Variants in TNNI3K observed in about 807,000 individuals in gnomAD.
TNNI3K encodes serine/threonine-protein kinase TNNI3K.
In TNNI3K, 140 loss-of-function variants were observed where a neutral mutation model predicts 114.5. The observed-to-expected ratio is 1.22, with a 90% confidence interval of 1.07 to 1.41. TNNI3K has a LOEUF of 1.41. Among genes scored for constraint, TNNI3K ranks in the 40% most tolerant of loss-of-function variants. The probability of loss-of-function intolerance (pLI) is 0.00; values close to 1 mark genes in which losing one functional copy is unlikely to be tolerated. For synonymous variants in TNNI3K, 347 were observed against 347.5 expected (o/e 1.00, Z 0.02); for missense variants, 1,125 against 1,007.6 (o/e 1.12, Z -1.58).
intron 20 of TNNI3K, among the ~76,000 whole-genome samples, chr1:74,446,834 A>G: frequency 6.7e-6 from 1 of 149,696 alleles, no homozygotes; most frequent in Non-Finnish European, 1.5e-5. Flanking sequence ...CAGATTTGTC[A>G]AAGATCAGAT....
At chr1:74,510,214 A>G (rs1670114688) in intron 23 of TNNI3K, among the ~76,000 whole-genome samples, 1 of 152,154 alleles carries the variant, frequency 6.6e-6, no homozygotes. Flanking sequence ...TCACCTTTTA[A>G]AAAGATCTGA....
intron 6 of TNNI3K, among the ~76,000 whole-genome samples, chr1:74,332,554 C>A (rs518641): frequency 0.062 from 9,498 of 152,146 alleles, 386 homozygotes; most frequent in South Asian, 0.12. Flanking sequence ...CCTGCCTCGG[C>A]CTCCTGAAGT....
At chr1:74,307,144 A>G (rs181690848) in intron 5 of TNNI3K, among the ~76,000 whole-genome samples, 41 of 152,270 alleles carry the variant, frequency 2.7e-4, no homozygotes, top group African/African-American at 9.9e-4. Flanking sequence ...ATTTTTGGAA[A>G]TGAAAACACA....
chr1:74,409,793 T>G (rs1218141802), intron 17 of TNNI3K, among the ~76,000 whole-genome samples: 1 of 152,092 alleles, frequency 6.6e-6, no homozygotes, highest in Non-Finnish European at 1.5e-5. Flanking sequence ...CACGCCCACC[T>G]TTTCTTTTAT....
chr1:74,459,441 G>A (rs985131986), intron 20 of TNNI3K, among the ~76,000 whole-genome samples: 1 of 152,136 alleles, frequency 6.6e-6, no homozygotes, highest in South Asian at 2.1e-4. Context: ...GTCAATCAAA[G>A]ATAAGAGCTA....
At chr1:74,310,512 A>G (rs896336479) in intron 5 of TNNI3K, among the ~76,000 whole-genome samples, 1 of 152,190 alleles carries the variant, frequency 6.6e-6, no homozygotes, top group East Asian at 1.9e-4. Flanking sequence ...ATAGCCAGAG[A>G]AGCCTAAGCA....
chr1:74,344,614 C>T (rs554066622), intron 9 of TNNI3K, among the ~76,000 whole-genome samples: 3 of 152,184 alleles, frequency 2.0e-5, no homozygotes, highest in South Asian at 2.1e-4. Context: ...ATTCTCTTTC[C>T]GTTTAGGTCA....
At position 74,418,777 on chromosome 1, in the gene TNNI3K, C is replaced by A. The variant is rs552409669; in HGVS notation, c.1773-17303C>A. On this transcript the variant is annotated intron_variant, in intron 17 of 24. Transcript: ENST00000326637. ...AAAAACACATAAAAATCATCATAAA[C>A]TCCCTTTTATTTAAGTCAGTTTCTT... Among the ~76,000 whole-genome samples, 9 of 151,954 alleles carry A rather than the reference C, an allele frequency of 5.9e-5. No homozygotes were observed. The South Asian group carries it at 1.9e-3, about 31-fold the overall frequency.
chr1:74,308,236 C>A (rs1457516220), intron 5 of TNNI3K, among the ~76,000 whole-genome samples: 1 of 152,040 alleles, frequency 6.6e-6, no homozygotes, highest in Admixed American at 6.6e-5. Flanking sequence ...CAGGGAACAT[C>A]CTCTAAGATT....
intron 22 of TNNI3K, 120 bp from the exon 23 acceptor site, chr1:74,491,977 G>C: frequency 7.4e-7 from 1 of 1,344,238 alleles, no homozygotes; most frequent in Non-Finnish European, 9.8e-7. Context: ...GGAGCAAGCT[G>C]AGTGAATAGA....
rs115128182 is a variant in TNNI3K, at chr1:74,481,936, G to A, written c.2122-7253G>A. 9.1e-3 allele frequency among the ~76,000 whole-genome samples: 1,389 copies of A among 152,130 alleles called. 11 individuals are homozygous for A. Among genetic ancestry groups the A allele is most frequent in the African/African-American group, 0.027 (1,135 of 41,508 alleles). On this transcript the variant is annotated intron_variant, in intron 21 of 24. Transcript: ENST00000326637. Reference sequence around the variant, plus strand: ...CCTTAGGAAATTCAGACTGCATCGCGGAAACAAAGAGATTAAAAAATACGT... The same window carrying A: ...CCTTAGGAAATTCAGACTGCATCGCAGAAACAAAGAGATTAAAAAATACGT...
intron 16 of TNNI3K, 189 bp downstream of exon 16, chr1:74,369,774 T>C (rs985647896): frequency 1.6e-6 from 1 of 625,076 alleles, no homozygotes; most frequent in African/African-American, 1.9e-5. Flanking sequence ...AAATACTTTA[T>C]GCTTTCTTAG....
chr1:74,311,504 T>G (rs45451193), intron 5 of TNNI3K, among the ~76,000 whole-genome samples: 1 of 152,298 alleles, frequency 6.6e-6, no homozygotes, highest in Non-Finnish European at 1.5e-5. Context: ...GAAAATAGCT[T>G]AAAATATATT....
At chr1:74,363,766 A>G (rs979150455) in intron 11 of TNNI3K, among the ~76,000 whole-genome samples, 1 of 151,944 alleles carries the variant, frequency 6.6e-6, no homozygotes, top group African/African-American at 2.4e-5. Context: ...AGTGTCTCCT[A>G]GGAAAAACAG....
chr1:74,297,802 A>T (rs1409396482), intron 5 of TNNI3K, among the ~76,000 whole-genome samples: 2 of 152,090 alleles, frequency 1.3e-5, no homozygotes, highest in Non-Finnish European at 2.9e-5. Context: ...GCCTTTTATG[A>T]CCTAGCCTTG....
intron 23 of TNNI3K, among the ~76,000 whole-genome samples, chr1:74,521,948 T>G (rs1007950449): frequency 1.2e-4 from 19 of 152,140 alleles, no homozygotes; most frequent in African/African-American, 4.3e-4. Flanking sequence ...TGCATCCAAC[T>G]GTTGTTAATC....
At chr1:74,322,626 A>G (rs1030349903) in intron 5 of TNNI3K, among the ~76,000 whole-genome samples, 34 of 151,820 alleles carry the variant, frequency 2.2e-4, no homozygotes, top group African/African-American at 7.7e-4. Flanking sequence ...ACGCCCAGCT[A>G]ATTTTTTGTA....
chr1:74,399,506 C>G (rs1047641232), intron 17 of TNNI3K, among the ~76,000 whole-genome samples: 2 of 152,032 alleles, frequency 1.3e-5, no homozygotes, highest in Non-Finnish European at 2.9e-5. Context: ...CAAGCTCCAC[C>G]CATGCTGGGA....
At chr1:74,515,139 C>G (rs995885766) in intron 23 of TNNI3K, among the ~76,000 whole-genome samples, 6 of 152,080 alleles carry the variant, frequency 3.9e-5, no homozygotes, top group African/African-American at 1.5e-4. Context: ...GACTTTTAAC[C>G]TGCATAACAG....
Sources: gnomAD v4.1 joint callset for allele counts (sites outside exome capture counted in the v4.1 genomes callset) on GRCh38, gnomAD v4.1.1 for gene constraint, MANE v1.5 for transcripts, NCBI Gene and HGNC (gene_info 2026-07-23, HGNC 2026-07-21) for gene names.